The following SERTAD2 variants were observed in gnomAD, a reference collection of about 807,000 sequenced individuals.
The protein encoded by SERTAD2 is SERTA domain-containing protein 2.
SERTAD2 carries 2 observed loss-of-function variants against 15.4 expected under a neutral mutation model. The observed-to-expected ratio is 0.13, with a 90% CI of 0.05 to 0.41. The LOEUF (loss-of-function observed/expected upper bound fraction) is 0.41, where lower values mean the gene tolerates loss of function less well. Among genes scored for constraint, SERTAD2 ranks in the 10% least tolerant of loss-of-function variants. SERTAD2 has a pLI of 0.99. For missense variants in SERTAD2, 333 were observed against 409.7 expected (o/e 0.81, Z 1.62); for synonymous variants, 180 against 178.0 (o/e 1.01, Z -0.09).
At position 64,635,002 on chromosome 2, in the gene SERTAD2, G is replaced by A. The variant is rs893104764; in HGVS notation, c.*925C>T. ...GCCAACTGCTTAATGCAAGTTTGAT[G>A]AGCACATGTGGCTCTGGCTTTGGAA... On this transcript the variant is annotated 3_prime_UTR_variant, in exon 2 of 2. Coordinates refer to ENST00000313349, the MANE Select transcript of SERTAD2 (RefSeq NM_014755.3). 1 of 152,692 alleles carries A rather than the reference G, an allele frequency of 6.5e-6. No individual in the cohort carries two copies. The highest frequency in any genetic ancestry group is 2.4e-5 in the African/African-American group (1 of 41,472). The allele number at this position is 152,692 out of a possible 1,614,324, so 9.5% of individuals were successfully genotyped here.
In SERTAD2 at chr2:64,636,248, G is replaced by A. The variant is rs192234783; in HGVS notation, c.624C>T (p.Leu208=). 36 of 1,614,174 alleles carry A rather than the reference G, an allele frequency of 2.2e-5. No homozygotes were observed. Among genetic ancestry groups the A allele is most frequent in the South Asian group, 8.8e-5 (8 of 91,082 alleles). Residue 208 remains leucine (L), a synonymous_variant, in exon 2 of 2, where the codon CTC becomes CTT. Transcript: ENST00000313349. The stretch of plus-strand genomic sequence containing the variant: ...CTGCGCGGCTCTCTTGAGGACCGTC[G>A]AGTTTCTGGGTGCCAGCCTCGCTGG... ...GTSSEAGTQK[L]DGPQESRADD... is the part of the protein sequence containing the mutation.
At chr2:64,643,606 C>G (rs1386754107) in intron 1 of SERTAD2, among the ~76,000 whole-genome samples, 1 of 152,232 alleles carries the variant, frequency 6.6e-6, no homozygotes, top group East Asian at 1.9e-4. Context: ...AGGTGGCTCA[C>G]GCCTGTAATC....
In SERTAD2 at chr2:64,636,653, C is replaced by T. The variant is rs1309113527; in HGVS notation, c.219G>A (p.Gln73=). The T allele has an allele frequency of 1.9e-6, 3 of 1,614,058 alleles. No individual in the cohort carries two copies. The South Asian group carries it at 3.3e-5, about 18-fold the overall frequency. The change falls in exon 2 of 2, where the codon CAG becomes CAA. Residue 73 remains glutamine (Q), a synonymous_variant. Coordinates refer to ENST00000313349, the MANE Select transcript of SERTAD2 (RefSeq NM_014755.3). ...VLINNMLRRI[Q]EELKQEGSLR... ...GGCTGCCTTCCTGTTTGAGTTCCTCCTGGATCCGCCTCAACATGTTGTTAA... is the reference window on the plus strand; with the variant it reads ...GGCTGCCTTCCTGTTTGAGTTCCTCTTGGATCCGCCTCAACATGTTGTTAA...
At chr2:64,649,835 T>G (rs1674973235) in intron 1 of SERTAD2, among the ~76,000 whole-genome samples, 2 of 152,148 alleles carry the variant, frequency 1.3e-5, no homozygotes, top group Non-Finnish European at 2.9e-5. Context: ...CGCCTCCGCA[T>G]AGCTCAGTCC....
chr2:64,639,312 T>C (rs1258985104), intron 1 of SERTAD2, among the ~76,000 whole-genome samples: 1 of 152,272 alleles, frequency 6.6e-6, no homozygotes, highest in African/African-American at 2.4e-5. Flanking sequence ...ACACAGTAAC[T>C]GTTATGTCTG....
rs1053901461 is a variant in SERTAD2, at chr2:64,634,709, G to A, written c.*1218C>T. On this transcript the variant is annotated 3_prime_UTR_variant, in exon 2 of 2. Coordinates refer to ENST00000313349, the MANE Select transcript of SERTAD2 (RefSeq NM_014755.3). ...CTTCTGGGGAGATTTTCTTCTTTAA[G>A]GGCCCTAAGCATTGCAACAGGGCTG... 6 of 152,284 alleles carry A rather than the reference G, an allele frequency of 3.9e-5. No homozygotes were observed. The East Asian group carries it at 7.7e-4, about 20-fold the overall frequency. The allele number at this position is 152,284 out of a possible 1,614,324, so 9.4% of individuals were successfully genotyped here.
chr2:64,653,682 T>TCCCGCTCCATGCGGAGTGC lies in SERTAD2; in HGVS notation c.-86_-68dup, dbSNP rs1264617346. On this transcript the variant is annotated 5_prime_UTR_variant, in exon 1 of 2. In the 5' UTR this introduces an upstream ATG that the reference lacks. Coordinates refer to ENST00000313349, the MANE Select transcript of SERTAD2 (RefSeq NM_014755.3). ...GGGTTTCCGCCCACTCCTCAGCTAC[T>TCCCGCTCCATGCGGAGTGC]CCCGCTCCATGCGGAGTGCCCCGCT... 2 of 152,122 alleles carry TCCCGCTCCATGCGGAGTGC rather than the reference T, an allele frequency of 1.3e-5. No individual in the cohort carries two copies. Among genetic ancestry groups the TCCCGCTCCATGCGGAGTGC allele is most frequent in the African/African-American group, 2.4e-5 (1 of 41,374 alleles). The allele number at this position is 152,122 out of a possible 1,614,324, so 9.4% of individuals were successfully genotyped here.
rs1347400415 is a variant in SERTAD2, at chr2:64,634,197, T to C, written c.*1730A>G. 9.9e-5 allele frequency: 15 copies of C among 152,120 alleles called. No individual in the cohort carries two copies. Among genetic ancestry groups the C allele is most frequent in the Admixed American group, 8.5e-4 (13 of 15,284 alleles). The allele number at this position is 152,120 out of a possible 1,614,324, so 9.4% of individuals were successfully genotyped here. A position where few individuals can be genotyped will look rare whatever the true frequency, so the allele number is the denominator to read the frequency against. ...CCTAAAGAAGCCATCTGCATAACAA[T>C]ATAGGTTGTAACCTGCACTCAACAG... On this transcript the variant is annotated 3_prime_UTR_variant, in exon 2 of 2. Coordinates refer to ENST00000313349, the MANE Select transcript of SERTAD2 (RefSeq NM_014755.3).
chr2:64,633,903 T>G lies in SERTAD2; in HGVS notation c.*2024A>C, dbSNP rs1674592635. The G allele has an allele frequency of 6.6e-6, 1 of 152,360 alleles. No individual in the cohort carries two copies. The highest frequency in any genetic ancestry group is 1.5e-5 in the Non-Finnish European group (1 of 67,940). 9.4% of individuals were successfully genotyped at this position (152,360 alleles called of 1,614,324 possible). A position where few individuals can be genotyped will look rare whatever the true frequency, so the allele number is the denominator to read the frequency against. On this transcript the variant is annotated 3_prime_UTR_variant, in exon 2 of 2. Coordinates refer to ENST00000313349, the MANE Select transcript of SERTAD2 (RefSeq NM_014755.3). The stretch of plus-strand genomic sequence containing the variant: ...GTAGAAAGCCTTTATCATATCATAC[T>G]CAAATCTTTTGCTTAGATGAGCAGT...
intron 1 of SERTAD2, among the ~76,000 whole-genome samples, chr2:64,653,193 G>A (rs1484163671): frequency 2.6e-5 from 4 of 152,166 alleles, no homozygotes; most frequent in African/African-American, 9.7e-5. Context: ...ACCCGGCCAC[G>A]GAACTCAAAA....
chr2:64,646,790 G>A (rs1205386072), intron 1 of SERTAD2: 3 of 152,132 alleles, frequency 2.0e-5, no homozygotes, highest in African/African-American at 7.2e-5. Flanking sequence ...AAAATCCCTG[G>A]AGGATTCCTG....
chr2:64,642,458 C>A (rs1031599859), intron 1 of SERTAD2, among the ~76,000 whole-genome samples: 1 of 151,986 alleles, frequency 6.6e-6, no homozygotes, highest in African/African-American at 2.4e-5. Flanking sequence ...AAAAGGTTAT[C>A]TTTAGCTCAA....
intron 1 of SERTAD2, among the ~76,000 whole-genome samples, chr2:64,639,960 AACAG>A (rs1307183177): frequency 6.6e-6 from 1 of 152,158 alleles, no homozygotes; most frequent in Non-Finnish European, 1.5e-5. Flanking sequence ...TGTAAGCAGG[AACAG>A]ACACACACAC....
At position 64,634,718 on chromosome 2, in the gene SERTAD2, G is replaced by A. The variant is rs1674617408; in HGVS notation, c.*1209C>T. On this transcript the variant is annotated 3_prime_UTR_variant, in exon 2 of 2. Coordinates refer to ENST00000313349, the MANE Select transcript of SERTAD2 (RefSeq NM_014755.3). Reference sequence around the variant, plus strand: ...AGATTTTCTTCTTTAAGGGCCCTAAGCATTGCAACAGGGCTGAGTTCCATG... The same window carrying A: ...AGATTTTCTTCTTTAAGGGCCCTAAACATTGCAACAGGGCTGAGTTCCATG... 1 of 152,174 alleles carries A rather than the reference G, an allele frequency of 6.6e-6. No individual in the cohort carries two copies. The highest frequency in any genetic ancestry group is 2.4e-5 in the African/African-American group (1 of 41,436). The allele number at this position is 152,174 out of a possible 1,614,324, so 9.4% of individuals were successfully genotyped here. A position where few individuals can be genotyped will look rare whatever the true frequency, so the allele number is the denominator to read the frequency against.
At chr2:64,643,983 G>A (rs1004491647) in intron 1 of SERTAD2, among the ~76,000 whole-genome samples, 7 of 152,218 alleles carry the variant, frequency 4.6e-5, no homozygotes, top group African/African-American at 1.4e-4. Context: ...GTCTAGAGGT[G>A]TCAATGCTAA....
intron 1 of SERTAD2, among the ~76,000 whole-genome samples, chr2:64,652,396 C>T (rs747157167): frequency 2.6e-5 from 4 of 152,240 alleles, no homozygotes; most frequent in African/African-American, 9.6e-5. Flanking sequence ...AGGGGCGGAG[C>T]GAAGCCCAAA....
intron 1 of SERTAD2, among the ~76,000 whole-genome samples, chr2:64,641,337 C>T (rs1674773103): frequency 6.6e-6 from 1 of 152,158 alleles, no homozygotes; most frequent in Non-Finnish European, 1.5e-5. Context: ...CTGAGTGACT[C>T]CCACAGTAAG....
chr2:64,648,342 C>T (rs1156936068), intron 1 of SERTAD2, among the ~76,000 whole-genome samples: 1 of 152,140 alleles, frequency 6.6e-6, no homozygotes, highest in African/African-American at 2.4e-5. Context: ...ATAATTCACA[C>T]ACAGACAATA....
rs186823657 is a variant in SERTAD2 at position 64,636,247 on chromosome 2, C to G, written c.625G>C (p.Asp209His). 8.7e-6 allele frequency: 14 copies of G among 1,614,164 alleles called. No homozygotes were observed. The highest frequency in any genetic ancestry group is 1.1e-5 in the Non-Finnish European group (13 of 1,180,034). The stretch of plus-strand genomic sequence containing the variant: ...TCTGCGCGGCTCTCTTGAGGACCGT[C>G]GAGTTTCTGGGTGCCAGCCTCGCTG... ...TSSEAGTQKL[D>H]GPQESRADDS... The change falls in exon 2 of 2, where the codon GAC becomes CAC. Residue 209 changes from aspartate to histidine, a missense_variant. Coordinates refer to ENST00000313349, the MANE Select transcript of SERTAD2 (RefSeq NM_014755.3).
Sources: allele counts gnomAD v4.1 joint callset (sites outside exome capture counted in the v4.1 genomes callset), GRCh38; gene constraint gnomAD v4.1.1; transcripts MANE v1.5; gene names NCBI Gene and HGNC (gene_info 2026-07-23, HGNC 2026-07-21).